SLC9A9: variants seen among roughly 807,000 people sequenced by gnomAD.
SLC9A9 encodes solute carrier family 9 member A9.
SLC9A9 carries 62 observed loss-of-function variants against 77.8 expected under a neutral mutation model. The observed-to-expected ratio is 0.80, with a 90% CI of 0.65 to 0.98. The LOEUF (loss-of-function observed/expected upper bound fraction) is 0.98, where lower values mean the gene tolerates loss of function less well. Ranked by LOEUF, SLC9A9 falls within the 50% of genes least tolerant of loss-of-function variation. SLC9A9 has a pLI of 0.00. For missense variants in SLC9A9, 775 were observed against 774.9 expected (o/e 1.00, Z 0.00); for synonymous variants, 320 against 283.5 (o/e 1.13, Z -1.29).
chr3:143,627,164 C>T (rs1366339627), intron 6 of SLC9A9: 2 of 152,274 alleles, frequency 1.3e-5, no homozygotes, highest in Non-Finnish European at 2.9e-5. Context: ...AGCCACCACG[C>T]CCAGCCGACT....
intron 8 of SLC9A9, among the ~76,000 whole-genome samples, chr3:143,572,967 A>G (rs540520923): frequency 6.6e-6 from 1 of 152,146 alleles, no homozygotes; most frequent in Non-Finnish European, 1.5e-5. Flanking sequence ...ATGGAGTTTC[A>G]TTTGAGGTAG....
chr3:143,375,318 G>A (rs557482601), intron 13 of SLC9A9, among the ~76,000 whole-genome samples: 18 of 152,234 alleles, frequency 1.2e-4, no homozygotes, highest in African/African-American at 3.9e-4. Context: ...TGTATCTATG[G>A]CCTTTTCCAT....
At chr3:143,770,471 A>C (rs2007477826) in intron 4 of SLC9A9, among the ~76,000 whole-genome samples, 1 of 152,180 alleles carries the variant, frequency 6.6e-6, no homozygotes, top group Non-Finnish European at 1.5e-5. Context: ...AAGTATTCCT[A>C]AAAGAATATC....
At chr3:143,385,781 A>C (rs1316434411) in intron 12 of SLC9A9, among the ~76,000 whole-genome samples, 2 of 152,180 alleles carry the variant, frequency 1.3e-5, no homozygotes, top group Non-Finnish European at 2.9e-5. Context: ...GGTGACATCC[A>C]AGGGTCTTTA....
chr3:143,566,031 A>G (rs1174803439), intron 8 of SLC9A9, among the ~76,000 whole-genome samples: 1 of 152,150 alleles, frequency 6.6e-6, no homozygotes. Context: ...TAAGAGTTTG[A>G]AAACAATTTT....
At chr3:143,778,202 C>T in intron 4 of SLC9A9, among the ~76,000 whole-genome samples, 1 of 152,024 alleles carries the variant, frequency 6.6e-6, no homozygotes, top group Middle Eastern at 3.2e-3. Context: ...AATCTGGGAG[C>T]ACCGAGCTCA....
chr3:143,701,330 T>G (rs950687072), intron 4 of SLC9A9, among the ~76,000 whole-genome samples: 26 of 152,238 alleles, frequency 1.7e-4, no homozygotes, highest in African/African-American at 6.0e-4. Flanking sequence ...GGAACAATTT[T>G]AAAGCAACAG....
intron 14 of SLC9A9, among the ~76,000 whole-genome samples, chr3:143,290,212 A>G (rs1025072447): frequency 1.3e-5 from 2 of 152,210 alleles, no homozygotes; most frequent in Admixed American, 1.3e-4. Context: ...CATACTGTAC[A>G]TAAATAATAG....
intron 6 of SLC9A9, among the ~76,000 whole-genome samples, chr3:143,634,143 C>G (rs2038472735): frequency 6.8e-6 from 1 of 147,966 alleles, no homozygotes; most frequent in Non-Finnish European, 1.5e-5. Context: ...TCCCATAATC[C>G]TTTCTTTAAG....
rs141854146 is a variant in SLC9A9, at chr3:143,436,048, T to G, written c.1469+30989A>C. 1.1e-3 allele frequency among the ~76,000 whole-genome samples: 168 copies of G among 152,322 alleles called. 1 individual carries two copies. Among genetic ancestry groups the G allele is most frequent in the Admixed American group, 3.1e-3 (48 of 15,304 alleles). On this transcript the variant is annotated intron_variant, in intron 12 of 15. Transcript: ENST00000316549. The stretch of plus-strand genomic sequence containing the variant: ...GGGCCCAACCCATGTTTCTCCACCC[T>G]TCCTCATCCTCAGATCAGGCCTTTC...
chr3:143,312,120 C>A (rs1454041760), intron 14 of SLC9A9, among the ~76,000 whole-genome samples: 2 of 152,192 alleles, frequency 1.3e-5, no homozygotes, highest in Non-Finnish European at 1.5e-5. Context: ...GGAAAATAAT[C>A]AGTTGCCCTC....
chr3:143,396,755 CAA>C (rs1012319672), intron 12 of SLC9A9, among the ~76,000 whole-genome samples: 3 of 152,060 alleles, frequency 2.0e-5, no homozygotes, highest in African/African-American at 2.4e-5. Context: ...AGATTTCCAG[CAA>C]AAGAGTTATG....
At chr3:143,767,030 C>T (rs1411198115) in intron 4 of SLC9A9, among the ~76,000 whole-genome samples, 1 of 152,114 alleles carries the variant, frequency 6.6e-6, no homozygotes, top group Non-Finnish European at 1.5e-5. Context: ...ATCATTAATA[C>T]CACTATGATC....
intron 14 of SLC9A9, among the ~76,000 whole-genome samples, chr3:143,336,754 A>G (rs1335608340): frequency 1.3e-5 from 2 of 152,156 alleles, no homozygotes; most frequent in African/African-American, 4.8e-5. Context: ...GAAATGGGGA[A>G]TTGTTCAATG....
chr3:143,644,940 C>G (rs2038679941), intron 6 of SLC9A9, among the ~76,000 whole-genome samples: 2 of 152,120 alleles, frequency 1.3e-5, no homozygotes, highest in Non-Finnish European at 1.5e-5. Flanking sequence ...AAATATACCT[C>G]TGGTTGTGAT....
rs147408322 is a variant in SLC9A9, at chr3:143,615,585, C to A, written c.755+36670G>T. On this transcript the variant is annotated intron_variant, in intron 6 of 15. Coordinates refer to ENST00000316549, the MANE Select transcript of SLC9A9 (RefSeq NM_173653.4). ...TGGATGGAAGAGGAAAAGCATCCCC[C>A]TGCAACCTGGTTAACTAGAACCACT... 1.5e-4 allele frequency among the ~76,000 whole-genome samples: 23 copies of A among 151,884 alleles called. No individual in the cohort carries two copies. The East Asian group carries it at 4.2e-3, about 28-fold the overall frequency.
At chr3:143,383,050 A>G (rs1017242254) in intron 12 of SLC9A9, among the ~76,000 whole-genome samples, 2 of 152,260 alleles carry the variant, frequency 1.3e-5, no homozygotes, top group African/African-American at 4.8e-5. Flanking sequence ...CCCATAAGCA[A>G]TGCACAGTGT....
intron 14 of SLC9A9, among the ~76,000 whole-genome samples, chr3:143,330,063 C>T (rs530399965): frequency 6.6e-6 from 1 of 152,286 alleles, no homozygotes; most frequent in South Asian, 2.1e-4. Context: ...TGACCTCCCC[C>T]ATGCCTGGCT....
intron 8 of SLC9A9, among the ~76,000 whole-genome samples, chr3:143,568,641 A>T (rs1024681526): frequency 2.6e-5 from 4 of 152,172 alleles, no homozygotes; most frequent in African/African-American, 9.6e-5. Flanking sequence ...TTATAAAGTG[A>T]TCTGTTATTC....
Sources: allele counts gnomAD v4.1 joint callset (sites outside exome capture counted in the v4.1 genomes callset), GRCh38; gene constraint gnomAD v4.1.1; transcripts MANE v1.5; gene names NCBI Gene and HGNC (gene_info 2026-07-23, HGNC 2026-07-21).